GNAI3: variants seen among roughly 807,000 people sequenced by gnomAD.
The protein encoded by GNAI3 is guanine nucleotide-binding protein G(i) subunit alpha-3.
In GNAI3, 12 loss-of-function variants were observed where a neutral mutation model predicts 41.8. The observed-to-expected ratio is 0.29, with a 90% CI of 0.18 to 0.47. GNAI3 has a LOEUF of 0.47. GNAI3 is among the 20% of genes least tolerant of loss of function. The pLI is 1.00. For missense variants in GNAI3, 360 were observed against 429.6 expected, an observed-to-expected ratio of 0.84 and a Z score of 1.43; for synonymous variants, 132 against 146.5, an observed-to-expected ratio of 0.90 and a Z score of 0.71.
At position 109,582,494 on chromosome 1, in the gene GNAI3, T is replaced by G; in HGVS notation, c.519T>G (p.Asp173Glu). The G allele has an allele frequency of 6.3e-7, 1 of 1,597,052 alleles. No homozygotes were observed. Among genetic ancestry groups the G allele is most frequent in the Non-Finnish European group, 8.6e-7 (1 of 1,164,442 alleles). Residue 173 changes from aspartate (D) to glutamate (E), a missense_variant, in exon 5 of 9, where the codon GAT becomes GAG. Physicochemically the swap from Asp to Glu is conservative, Grantham distance 45. Coordinates refer to ENST00000369851, the MANE Select transcript of GNAI3 (RefSeq NM_006496.4). The stretch of plus-strand genomic sequence containing the variant: ...CTAACTACATTCCAACTCAGCAAGA[T>G]GTTCTTCGGACGAGAGTGAAGACCA... ...SQSNYIPTQQDVLRTRVKTTG... is the reference protein window; with the variant it reads ...SQSNYIPTQQEVLRTRVKTTG...
chr1:109,573,682 T>C (rs1470180968), intron 1 of GNAI3, 55 bp from the exon 2 acceptor site: 10 of 1,387,378 alleles, frequency 7.2e-6, no homozygotes, highest in Non-Finnish European at 9.2e-6. Flanking sequence ...ATGTTGATAT[T>C]ATACTTTTAT....
intron 1 of GNAI3, among the ~76,000 whole-genome samples, chr1:109,558,346 C>G (rs1393655459): frequency 6.6e-6 from 1 of 152,124 alleles, no homozygotes; most frequent in Non-Finnish European, 1.5e-5. Flanking sequence ...TCGCTTGAAC[C>G]TGGGAGGCGG....
intron 3 of GNAI3, among the ~76,000 whole-genome samples, 174 bp downstream of exon 3, chr1:109,574,211 T>A (rs1475041719): frequency 1.3e-5 from 2 of 152,072 alleles, no homozygotes; most frequent in Non-Finnish European, 2.9e-5. Context: ...AGGTGTTAGA[T>A]ATAACCACCC....
chr1:109,548,971 G>T (rs1404707235), intron 1 of GNAI3, 133 bp downstream of exon 1: 2 of 602,760 alleles, frequency 3.3e-6, no homozygotes, highest in Non-Finnish European at 3.0e-6. Context: ...GTGGGGCGGG[G>T]TGTTGGGGTT....
chr1:109,599,635 G>GTC lies in GNAI3; in HGVS notation c.*7318_*7319dup, dbSNP rs1245898834. 1 of 152,110 alleles carries GTC rather than the reference G, an allele frequency of 6.6e-6. No homozygotes were observed. Among genetic ancestry groups the GTC allele is most frequent in the Admixed American group, 6.5e-5 (1 of 15,272 alleles). The allele number at this position is 152,110 out of a possible 1,614,324, so 9.4% of individuals were successfully genotyped here. ...TGCTATGCTAGGGAAGTACATTATG[G>GTC]TCTCTCCCTCTAAGAATATGAAGAG... is the stretch of plus-strand genomic sequence containing the variant. On this transcript the variant is annotated 3_prime_UTR_variant, in exon 9 of 9. Transcript: ENST00000369851.
At position 109,597,896 on chromosome 1, in the gene GNAI3, G is replaced by A. The variant is rs1045464795; in HGVS notation, c.*5574G>A. On this transcript the variant is annotated 3_prime_UTR_variant, in exon 9 of 9. Coordinates refer to ENST00000369851, the MANE Select transcript of GNAI3 (RefSeq NM_006496.4). ...AAAGTCGTTTTGAAATGGGTACGGG[G>A]GTATATAAGGGGAATGATTGAGTCA... 3 of 152,154 alleles carry A rather than the reference G, an allele frequency of 2.0e-5. No individual in the cohort carries two copies. The highest frequency in any genetic ancestry group is 7.2e-5 in the African/African-American group (3 of 41,420). The allele number at this position is 152,154 out of a possible 1,614,324, so 9.4% of individuals were successfully genotyped here. A position where few individuals can be genotyped will look rare whatever the true frequency, so the allele number is the denominator to read the frequency against.
intron 1 of GNAI3, among the ~76,000 whole-genome samples, chr1:109,572,990 T>A (rs549934187): frequency 6.6e-6 from 1 of 152,318 alleles, no homozygotes; most frequent in South Asian, 2.1e-4. Flanking sequence ...TCTGATTGCT[T>A]TAATTTTTAT....
chr1:109,578,988 A>T (rs1041565220), intron 3 of GNAI3, among the ~76,000 whole-genome samples: 10 of 152,128 alleles, frequency 6.6e-5, no homozygotes, highest in African/African-American at 1.4e-4. Flanking sequence ...GGGAAGTAAA[A>T]TCATTCCTCA....
Position 109,548,688 on chromosome 1 carries a change from G to A in GNAI3, c.-33G>A. ...GCCGCAGTTTCCGTGGTGTGAGTGA[G>A]TCCGGGCCCGTGTCCCCTCTCCCGC... On this transcript the variant is annotated 5_prime_UTR_variant, in exon 1 of 9. Coordinates refer to ENST00000369851, the MANE Select transcript of GNAI3 (RefSeq NM_006496.4). The A allele has an allele frequency of 2.7e-6, 4 of 1,479,676 alleles. No individual in the cohort carries two copies. Among genetic ancestry groups the A allele is most frequent in the Non-Finnish European group, 3.8e-6 (4 of 1,059,654 alleles). 91.7% of individuals were successfully genotyped at this position (1,479,676 alleles called of 1,614,324 possible). A position where few individuals can be genotyped will look rare whatever the true frequency, so the allele number is the denominator to read the frequency against.
chr1:109,587,605 T>G lies in GNAI3; in HGVS notation c.874+723T>G, dbSNP rs1188392477. On this transcript the variant is annotated intron_variant, in intron 7 of 8. Coordinates refer to ENST00000369851, the MANE Select transcript of GNAI3 (RefSeq NM_006496.4). Reference sequence around the variant, plus strand: ...ACCAGTTGTGGAACCCAGAAGGAATTTGGTATTACTAGAGTTTACAGTGGC... The same window carrying G: ...ACCAGTTGTGGAACCCAGAAGGAATGTGGTATTACTAGAGTTTACAGTGGC... Among the ~76,000 whole-genome samples the G allele has an allele frequency of 2.6e-5, 4 of 152,206 alleles. No individual in the cohort carries two copies. The East Asian group carries it at 7.7e-4, about 29-fold the overall frequency.
rs542293701 is a variant in GNAI3, at chr1:109,600,179, A to G, written c.*7857A>G. On this transcript the variant is annotated 3_prime_UTR_variant, in exon 9 of 9. Transcript: ENST00000369851. Reference sequence around the variant, plus strand: ...TTAAAGTAAATAAAAATTCAACAGTACGGTGTAAATTTAAAATGAGGCAAA... The same window carrying G: ...TTAAAGTAAATAAAAATTCAACAGTGCGGTGTAAATTTAAAATGAGGCAAA... 11 of 152,234 alleles carry G rather than the reference A, an allele frequency of 7.2e-5. No individual in the cohort carries two copies. Among genetic ancestry groups the G allele is most frequent in the Non-Finnish European group, 1.3e-4 (9 of 68,004 alleles). The allele number at this position is 152,234 out of a possible 1,614,324, so 9.4% of individuals were successfully genotyped here. A position where few individuals can be genotyped will look rare whatever the true frequency, so the allele number is the denominator to read the frequency against.
chr1:109,562,768 AG>A (rs1391165076), intron 1 of GNAI3, among the ~76,000 whole-genome samples: 2 of 152,178 alleles, frequency 1.3e-5, no homozygotes, highest in Non-Finnish European at 2.9e-5. Flanking sequence ...TCGATGTTAG[AG>A]GGCCCTAGGT....
Position 109,551,527 on chromosome 1 carries a change from G to C in GNAI3, c.118+2689G>C, listed in dbSNP as rs1412937318. The stretch of plus-strand genomic sequence containing the variant: ...ATTAATAGCATGGGTCCTGAAGTCA[G>C]ACTGCTTTAAATCCTAATTCCCATT... On this transcript the variant is annotated intron_variant, in intron 1 of 8. Transcript: ENST00000369851. Among the ~76,000 whole-genome samples, 3 of 152,324 alleles carry C rather than the reference G, an allele frequency of 2.0e-5. No individual in the cohort carries two copies. In the East Asian group the frequency reaches 5.8e-4, roughly 29 times the overall value.
At chr1:109,576,212 G>A (rs1023554254) in intron 3 of GNAI3, among the ~76,000 whole-genome samples, 7 of 151,910 alleles carry the variant, frequency 4.6e-5, no homozygotes, top group African/African-American at 1.5e-4. Flanking sequence ...GGGATTACAG[G>A]CGCCTGCCAC....
intron 1 of GNAI3, among the ~76,000 whole-genome samples, chr1:109,555,318 C>T (rs1320879214): frequency 6.6e-6 from 1 of 152,114 alleles, no homozygotes; most frequent in African/African-American, 2.4e-5. Flanking sequence ...CATCATGGTA[C>T]TGGTGTAAAA....
At chr1:109,549,900 A>G (rs1276819152) in intron 1 of GNAI3, among the ~76,000 whole-genome samples, 2 of 152,208 alleles carry the variant, frequency 1.3e-5, no homozygotes, top group East Asian at 3.9e-4. Flanking sequence ...AGTAAATCAT[A>G]CAAAGAATAC....
At chr1:109,555,969 T>TGC (rs1553222509) in intron 1 of GNAI3, among the ~76,000 whole-genome samples, 1 of 130,112 alleles carries the variant, frequency 7.7e-6, no homozygotes, top group Admixed American at 7.2e-5. Flanking sequence ...CGTGCGTGTG[T>TGC]GTGTGTGTGT....
At chr1:109,570,464 A>G (rs1351980073) in intron 1 of GNAI3, among the ~76,000 whole-genome samples, 1 of 152,218 alleles carries the variant, frequency 6.6e-6, no homozygotes, top group Non-Finnish European at 1.5e-5. Flanking sequence ...AGTGGGGAAG[A>G]TAAGAAATGA....
intron 1 of GNAI3, among the ~76,000 whole-genome samples, chr1:109,571,397 A>G (rs1648592704): frequency 6.6e-6 from 1 of 152,240 alleles, no homozygotes; most frequent in South Asian, 2.1e-4. Flanking sequence ...CCAAACTGTG[A>G]ATGCAAATTT....
Sources: gnomAD v4.1 joint callset for allele counts (sites outside exome capture counted in the v4.1 genomes callset) on GRCh38, gnomAD v4.1.1 for gene constraint, MANE v1.5 for transcripts, NCBI Gene and HGNC (gene_info 2026-07-23, HGNC 2026-07-21) for gene names.